Variants in ABI3 observed in about 807,000 individuals in gnomAD.
ABI3 encodes ABI family member 3, also known as ABI gene family member 3.
Under a neutral mutation model 37.0 loss-of-function variants are expected in ABI3, and 24 were observed. The ratio of observed to expected loss-of-function variants is 0.65; its 90% CI spans 0.47 to 0.91. The LOEUF is 0.91. Ranked by LOEUF, ABI3 falls within the 40% of genes least tolerant of loss-of-function variation. ABI3 has a pLI of 0.00. For synonymous variants in ABI3, 220 were observed against 211.8 expected (o/e 1.04, Z -0.34); for missense variants, 481 against 485.1 (o/e 0.99, Z 0.08).
At chr17:49,211,189 A>G (rs2043163305) in intron 1 of ABI3, among the ~76,000 whole-genome samples, 1 of 152,192 alleles carries the variant, frequency 6.6e-6, no homozygotes, top group African/African-American at 2.4e-5. Context: ...GATGCTGGCG[A>G]TCATTCTATT....
chr17:49,212,571 T>C (rs960620306), intron 1 of ABI3, among the ~76,000 whole-genome samples: 1 of 152,156 alleles, frequency 6.6e-6, no homozygotes, highest in South Asian at 2.1e-4. Flanking sequence ...TCTGGACCCT[T>C]CTTTTGGGCC....
chr17:49,222,121 CT>C lies in ABI3; in HGVS notation c.834del (p.Pro279LeufsTer36), dbSNP rs2043297249. 6.2e-7 allele frequency: 1 copy of C among 1,612,276 alleles called. No homozygotes were observed. The highest frequency in any genetic ancestry group is 8.5e-7 in the Non-Finnish European group (1 of 1,179,220). ...GAGCTGCCCCTGCCACTGGACCTGCCTCCTCCTCCACCCCTGGATGGAGATG... is the reference window on the plus strand; with the variant it reads ...GAGCTGCCCCTGCCACTGGACCTGCCCCTCCTCCACCCCTGGATGGAGATG... ...DEELPLPLDL[P>X]PPPPLDGDEL... On this transcript the variant is annotated frameshift_variant, in exon 7 of 8. Transcript: ENST00000225941. LOFTEE classifies it high-confidence loss of function.
At chr17:49,213,663 T>C (rs1238636436) in intron 1 of ABI3, among the ~76,000 whole-genome samples, 2 of 152,208 alleles carry the variant, frequency 1.3e-5, no homozygotes, top group Non-Finnish European at 2.9e-5. Context: ...GGACCTAACT[T>C]TGGGCTAAGA....
At position 49,219,889 on chromosome 17, in the gene ABI3, C is replaced by T. The variant is rs780020209; in HGVS notation, c.580C>T (p.Leu194=). The T allele has an allele frequency of 1.5e-5, 23 of 1,552,476 alleles. No individual in the cohort carries two copies. In the South Asian group the frequency reaches 2.7e-4, roughly 18 times the overall value. Residue 194 remains leucine (L), a synonymous_variant, in exon 5 of 8, where the codon CTG becomes TTG. Coordinates refer to ENST00000225941, the MANE Select transcript of ABI3 (RefSeq NM_016428.3). This position sits in a 1 kb window ranked among gnomAD's most constrained non-coding sequence, Gnocchi z 4.3. ...ACCCCGGATTCCCGAGCCAGTGCAC[C>T]TGCCGGTGGTGCCCGACGGCAGACT... The part of the protein sequence containing the change: ...RPPRIPEPVH[L]PVVPDGRLSA...
chr17:49,215,608 A>G (rs1329581643), intron 1 of ABI3, among the ~76,000 whole-genome samples: 1 of 151,642 alleles, frequency 6.6e-6, no homozygotes, highest in African/African-American at 2.4e-5. Context: ...AGTGATTCTC[A>G]TGCCTCAGCC....
chr17:49,222,085 C>G lies in ABI3; in HGVS notation c.803-6C>G. ...ACACTTACAGCCTTTCTGCTTTTCCCCCAAGACGAAGAGCTGCCCCTGCCA... is the reference window on the plus strand; with the variant it reads ...ACACTTACAGCCTTTCTGCTTTTCCGCCAAGACGAAGAGCTGCCCCTGCCA... On this transcript the variant is annotated splice_polypyrimidine_tract_variant and splice_region_variant and intron_variant, in intron 6 of 7. Transcript: ENST00000225941. 6.3e-7 allele frequency: 1 copy of G among 1,589,568 alleles called. No homozygotes were observed. The highest frequency in any genetic ancestry group is 1.3e-5 in the African/African-American group (1 of 74,136).
In ABI3 at chr17:49,222,654, AG is replaced by A. The variant is rs1254105183; in HGVS notation, c.1043del (p.Gly348AlafsTer121). 1 of 1,612,002 alleles carries A rather than the reference AG, an allele frequency of 6.2e-7. No homozygotes were observed. The highest frequency in any genetic ancestry group is 8.5e-7 in the Non-Finnish European group (1 of 1,179,172). On this transcript the variant is annotated frameshift_variant, in exon 8 of 8. Transcript: ENST00000225941. LOFTEE classifies it high-confidence loss of function. ...VTRRYSDGWC[E>X]GVSSEGTGFF... Reference sequence around the variant, plus strand: ...CGCCGCTACTCCGATGGCTGGTGCGAGGGCGTCAGCTCAGAGGGGACTGGAT... The same window carrying A: ...CGCCGCTACTCCGATGGCTGGTGCGAGGCGTCAGCTCAGAGGGGACTGGAT...
chr17:49,222,610 C>T lies in ABI3; in HGVS notation c.996C>T (p.Gly332=), dbSNP rs573502645. The T allele has an allele frequency of 3.7e-6, 6 of 1,614,052 alleles. No homozygotes were observed. The highest frequency in any genetic ancestry group is 2.7e-5 in the African/African-American group (2 of 75,048). Residue 332 remains glycine, a synonymous_variant, in exon 8 of 8, where the codon GGC becomes GGT. Coordinates refer to ENST00000225941, the MANE Select transcript of ABI3 (RefSeq NM_016428.3). ...ACAATGAGCTCTCCTTCTCTGAGGGCACTGTCATCTGTGTCACTCGCCGCT... is the reference window on the plus strand; with the variant it reads ...ACAATGAGCTCTCCTTCTCTGAGGGTACTGTCATCTGTGTCACTCGCCGCT... ...QKDNELSFSE[G]TVICVTRRYS...
chr17:49,223,134 C>G lies in ABI3; in HGVS notation c.*419C>G. 9.6e-6 allele frequency: 4 copies of G among 418,276 alleles called. No homozygotes were observed. Among genetic ancestry groups the G allele is most frequent in the Non-Finnish European group, 1.7e-5 (4 of 237,654 alleles). 25.9% of individuals were successfully genotyped at this position (418,276 alleles called of 1,614,324 possible). ...CCAGCTGACCTAGAAGCAGCATCTTCCCATTTCCTCAGTACCCACAAAGTG... is the reference window on the plus strand; with the variant it reads ...CCAGCTGACCTAGAAGCAGCATCTTGCCATTTCCTCAGTACCCACAAAGTG... On this transcript the variant is annotated 3_prime_UTR_variant, in exon 8 of 8. Coordinates refer to ENST00000225941, the MANE Select transcript of ABI3 (RefSeq NM_016428.3).
At chr17:49,216,204 A>G (rs1598240711) in intron 1 of ABI3, among the ~76,000 whole-genome samples, 1 of 151,756 alleles carries the variant, frequency 6.6e-6, no homozygotes, top group East Asian at 1.9e-4. Flanking sequence ...CCCTAAAAGG[A>G]CAGCCTGTTA....
rs775156826 is a variant in ABI3 at position 49,219,850 on chromosome 17, C to T, written c.549-8C>T. 1 of 1,540,994 alleles carries T rather than the reference C, an allele frequency of 6.5e-7. No homozygotes were observed. The highest frequency in any genetic ancestry group is 1.4e-5 in the African/African-American group (1 of 73,260). On this transcript the variant is annotated splice_polypyrimidine_tract_variant and splice_region_variant and intron_variant, in intron 4 of 7. Transcript: ENST00000225941. The surrounding 1 kb of genome is among the most constrained non-coding windows in gnomAD (Gnocchi z 4.3). ...TCCTCCTAATACCCACTCCCTGCCC[C>T]CCGCCAGGAGACCACCCCGGATTCC...
At chr17:49,220,441 A>G (rs2043272305) in intron 6 of ABI3, 115 bp downstream of exon 6, 2 of 1,352,856 alleles carry the variant, frequency 1.5e-6, no homozygotes, top group Non-Finnish European at 2.0e-6. Context: ...TGCCTCCTCC[A>G]AGGAGCGCAG....
intron 2 of ABI3, 33 bp downstream of exon 2, chr17:49,216,731 T>C (rs2043223050): frequency 2.1e-6 from 3 of 1,450,526 alleles, no homozygotes; most frequent in African/African-American, 1.4e-5. Context: ...AGGCATCTTG[T>C]GTCAGGCCTC....
rs186651102 is a variant in ABI3 at position 49,212,820 on chromosome 17, G to A, written c.117+1979G>A. ...TCATTTCGGTCTGTGTAGATGTTGA[G>A]TGACCACCTGCAGATGAGACAGAAT... is the stretch of plus-strand genomic sequence containing the variant. On this transcript the variant is annotated intron_variant, in intron 1 of 7. Coordinates refer to ENST00000225941, the MANE Select transcript of ABI3 (RefSeq NM_016428.3). Among the ~76,000 whole-genome samples the A allele has an allele frequency of 8.3e-4, 126 of 151,446 alleles. 2 individuals carry two copies. In the East Asian group the frequency reaches 0.018, roughly 22 times the overall value.
chr17:49,219,918 C>T lies in ABI3; in HGVS notation c.609C>T (p.Ser203=), dbSNP rs749794758. The T allele has an allele frequency of 3.2e-5, 50 of 1,557,138 alleles. No homozygotes were observed. Among genetic ancestry groups the T allele is most frequent in the Non-Finnish European group, 4.3e-5 (50 of 1,156,982 alleles). The change falls in exon 5 of 8, where the codon TCC becomes TCT. Residue 203 remains serine, a synonymous_variant. Coordinates refer to ENST00000225941, the MANE Select transcript of ABI3 (RefSeq NM_016428.3). The surrounding 1 kb of genome is among the most constrained non-coding windows in gnomAD (Gnocchi z 4.3). ...HLPVVPDGRL[S]AASSAFSLAS... The stretch of plus-strand genomic sequence containing the variant: ...CGGTGGTGCCCGACGGCAGACTCTC[C>T]GCCGCCTCCTCTGCGTTTTCCCTGG...
rs2043262118 is a variant in ABI3, at chr17:49,219,851, C to G, written c.549-7C>G. On this transcript the variant is annotated splice_polypyrimidine_tract_variant and splice_region_variant and intron_variant, in intron 4 of 7. Coordinates refer to ENST00000225941, the MANE Select transcript of ABI3 (RefSeq NM_016428.3). This position sits in a 1 kb window ranked among gnomAD's most constrained non-coding sequence, Gnocchi z 4.3. The stretch of plus-strand genomic sequence containing the variant: ...CCTCCTAATACCCACTCCCTGCCCC[C>G]CGCCAGGAGACCACCCCGGATTCCC... 4.5e-6 allele frequency: 7 copies of G among 1,541,034 alleles called. No individual in the cohort carries two copies. Among genetic ancestry groups the G allele is most frequent in the Middle Eastern group, 1.7e-4 (1 of 6,002 alleles).
intron 6 of ABI3, among the ~76,000 whole-genome samples, chr17:49,221,425 C>T (rs984923995): frequency 5.9e-5 from 9 of 152,062 alleles, no homozygotes; most frequent in South Asian, 2.1e-4. Context: ...GAGCCGAGAT[C>T]GTGCCACTGC....
Position 49,219,890 on chromosome 17 carries a change from T to C in ABI3, c.581T>C (p.Leu194Pro), listed in dbSNP as rs751746635. ...RPPRIPEPVHLPVVPDGRLSA... is the reference protein window; with the variant it reads ...RPPRIPEPVHPPVVPDGRLSA... ...CCCCGGATTCCCGAGCCAGTGCACC[T>C]GCCGGTGGTGCCCGACGGCAGACTC... The change falls in exon 5 of 8, where the codon CTG (leucine) becomes CCG (proline). Residue 194 changes from leucine (L) to proline (P), a missense_variant. Transcript: ENST00000225941. This position sits in a 1 kb window ranked among gnomAD's most constrained non-coding sequence, Gnocchi z 4.3. 1 of 1,552,454 alleles carries C rather than the reference T, an allele frequency of 6.4e-7. No homozygotes were observed. The highest frequency in any genetic ancestry group is 1.2e-5 in the South Asian group (1 of 85,254).
At chr17:49,220,846 A>ATAT (rs2043277309) in intron 6 of ABI3, among the ~76,000 whole-genome samples, 1 of 137,284 alleles carries the variant, frequency 7.3e-6, no homozygotes, top group Non-Finnish European at 1.5e-5. Context: ...CTCCATCTCA[A>ATAT]AATAATAATA....
Sources: allele counts gnomAD v4.1 joint callset (sites outside exome capture counted in the v4.1 genomes callset), GRCh38; gene constraint gnomAD v4.1.1; non-coding constraint Gnocchi (gnomAD v3.1); transcripts MANE v1.5; gene names NCBI Gene and HGNC (gene_info 2026-07-23, HGNC 2026-07-21).